Variants in BICRAL observed in about 807,000 individuals in gnomAD.
BICRAL encodes BICRA like chromatin remodeling complex associated protein.
In BICRAL, 8 loss-of-function variants were observed where a neutral mutation model predicts 91.8. The ratio of observed to expected loss-of-function variants is 0.09; its 90% CI spans 0.05 to 0.16. The LOEUF (loss-of-function observed/expected upper bound fraction) is 0.16. Ranked by LOEUF, BICRAL falls within the 10% of genes least tolerant of loss-of-function variation. BICRAL has a pLI of 1.00. For missense variants in BICRAL, 1,038 were observed against 1,310.9 expected (o/e 0.79, Z 3.21); for synonymous variants, 445 against 491.1 (o/e 0.91, Z 1.24).
intron 2 of BICRAL, among the ~76,000 whole-genome samples, chr6:42,819,617 T>G (rs561660681): frequency 3.3e-5 from 5 of 152,322 alleles, no homozygotes; most frequent in African/African-American, 1.2e-4. Flanking sequence ...TAGACAATTT[T>G]ACAATTTTGC....
chr6:42,850,120 C>A (rs530878905), intron 6 of BICRAL, among the ~76,000 whole-genome samples: 9 of 152,256 alleles, frequency 5.9e-5, no homozygotes, highest in African/African-American at 1.9e-4. Context: ...TGAGCACTTA[C>A]ATGTGAATGG....
At chr6:42,830,915 T>C (rs970575592) in intron 6 of BICRAL, among the ~76,000 whole-genome samples, 11 of 150,104 alleles carry the variant, frequency 7.3e-5, no homozygotes, top group Non-Finnish European at 1.3e-4. Flanking sequence ...CCGACCTTTT[T>C]TCTTAAAATT....
chr6:42,791,613 G>A (rs768905258), intron 1 of BICRAL, among the ~76,000 whole-genome samples: 7 of 152,136 alleles, frequency 4.6e-5, no homozygotes, highest in Non-Finnish European at 8.8e-5. Context: ...GACCCTGATG[G>A]GTTCTAATGG....
chr6:42,781,596 G>T (rs13220196), upstream of BICRAL, among the ~76,000 whole-genome samples: 4,524 of 103,346 alleles, frequency 0.044, 299 homozygotes, highest in African/African-American at 0.14. Context: ...TGGGTGGGTG[G>T]GTGTGTGTGT....
chr6:42,856,181 G>A (rs1165884136), intron 9 of BICRAL, among the ~76,000 whole-genome samples: 10 of 151,788 alleles, frequency 6.6e-5, no homozygotes, highest in Non-Finnish European at 1.3e-4. Flanking sequence ...GCCAGGCGTG[G>A]TGGTACGGGC....
intron 5 of BICRAL, among the ~76,000 whole-genome samples, chr6:42,824,379 C>T (rs1287470535): frequency 3.9e-5 from 6 of 152,144 alleles, no homozygotes; most frequent in African/African-American, 1.4e-4. Flanking sequence ...GAATCTTGCT[C>T]TGTTGCCCAG....
chr6:42,864,576 C>T, intron 12 of BICRAL, 83 bp from the exon 13 acceptor site: 2 of 1,139,718 alleles, frequency 1.8e-6, no homozygotes, highest in Non-Finnish European at 2.5e-6. Context: ...GCTTTGCCCT[C>T]AGCACCTGAC....
intron 2 of BICRAL, among the ~76,000 whole-genome samples, chr6:42,814,520 T>TATATATATATA (rs1491538864): frequency 1.7e-4 from 7 of 41,178 alleles, no homozygotes; most frequent in African/African-American, 7.8e-4. Flanking sequence ...TATATATATA[T>TATATATATATA]TTTTTTTTTT....
intron 6 of BICRAL, among the ~76,000 whole-genome samples, chr6:42,845,693 A>G (rs1007026482): frequency 1.3e-5 from 2 of 152,018 alleles, no homozygotes; most frequent in African/African-American, 4.8e-5. Flanking sequence ...CAAACCAAGC[A>G]TTTAACAGCC....
At chr6:42,838,259 T>A (rs1467911629) in intron 6 of BICRAL, among the ~76,000 whole-genome samples, 3 of 152,216 alleles carry the variant, frequency 2.0e-5, no homozygotes, top group Non-Finnish European at 4.4e-5. Flanking sequence ...ACTGATTTCA[T>A]TTAGTTGTCA....
chr6:42,783,853 C>T (rs553261853), intron 1 of BICRAL, among the ~76,000 whole-genome samples: 1 of 152,244 alleles, frequency 6.6e-6, no homozygotes, highest in East Asian at 1.9e-4. Flanking sequence ...CATTTTCTCT[C>T]CTGCGGTCTG....
chr6:42,807,243 GCTTGAT>G (rs1763734398), intron 1 of BICRAL, among the ~76,000 whole-genome samples: 1 of 151,964 alleles, frequency 6.6e-6, no homozygotes, highest in African/African-American at 2.4e-5. Context: ...GGGTGCAGTA[GCTTGAT>G]CTAGGCTCAC....
intron 1 of BICRAL, among the ~76,000 whole-genome samples, chr6:42,767,618 T>A (rs1210975217): frequency 6.6e-6 from 1 of 152,238 alleles, no homozygotes; most frequent in East Asian, 1.9e-4. Flanking sequence ...AACATATTGA[T>A]GCAAGCTACT....
chr6:42,825,120 C>T (rs1332275713), intron 5 of BICRAL, among the ~76,000 whole-genome samples: 1 of 151,796 alleles, frequency 6.6e-6, no homozygotes, highest in Non-Finnish European at 1.5e-5. Context: ...ATTAGCCGGG[C>T]GTAGTGGCGT....
chr6:42,833,806 G>A (rs755135762), intron 6 of BICRAL, among the ~76,000 whole-genome samples: 1 of 151,970 alleles, frequency 6.6e-6, no homozygotes, highest in African/African-American at 2.4e-5. Context: ...GTCGTTCTTT[G>A]TCTTTCATGC....
intron 6 of BICRAL, among the ~76,000 whole-genome samples, chr6:42,834,977 C>T (rs192042176): frequency 3.3e-5 from 5 of 152,260 alleles, no homozygotes; most frequent in Admixed American, 1.3e-4. Flanking sequence ...ATACACCCAA[C>T]GCCTATAGGT....
rs1408461732 is a variant in BICRAL at position 42,748,785 on chromosome 6, A to T, written c.-261+1762A>T. Among the ~76,000 whole-genome samples the T allele has an allele frequency of 2.0e-5, 3 of 152,134 alleles. No homozygotes were observed. In the East Asian group the frequency reaches 5.8e-4, roughly 29 times the overall value. On this transcript the variant is annotated intron_variant, in intron 1 of 14. Coordinates refer to the BICRAL transcript ENST00000614467. ...GGTATGTGGTCAAGAAATGGAGATA[A>T]AGCTGTTTCTGAGTTCAAACACAGT...
At chr6:42,769,350 C>T (rs1362071156) in intron 1 of BICRAL, among the ~76,000 whole-genome samples, 1 of 152,172 alleles carries the variant, frequency 6.6e-6, no homozygotes, top group African/African-American at 2.4e-5. Flanking sequence ...GACATGGCAG[C>T]CAGCTTCTCC....
chr6:42,758,890 C>T (rs1762501565), intron 1 of BICRAL, among the ~76,000 whole-genome samples: 1 of 152,144 alleles, frequency 6.6e-6, no homozygotes, highest in Non-Finnish European at 1.5e-5. Flanking sequence ...AAAGTCTCTG[C>T]CTTCTGGCCA....
Sources: allele counts gnomAD v4.1 joint callset (sites outside exome capture counted in the v4.1 genomes callset), GRCh38; gene constraint gnomAD v4.1.1; transcripts MANE v1.5; gene names NCBI Gene and HGNC (gene_info 2026-07-23, HGNC 2026-07-21).